Variants in CLEC19A observed in about 807,000 individuals in gnomAD.
CLEC19A encodes C-type lectin domain family 19 member A.
In CLEC19A, 21 loss-of-function variants were observed where a neutral mutation model predicts 26.1. That is an observed-to-expected ratio of 0.80 (90% CI 0.57 to 1.16). CLEC19A has a LOEUF of 1.16. Among genes scored for constraint, CLEC19A ranks in the 50% most tolerant of loss-of-function variants. The probability of loss-of-function intolerance (pLI) is 0.00; values close to 1 mark genes in which losing one functional copy is unlikely to be tolerated. For synonymous variants in CLEC19A, 89 were observed against 88.6 expected (o/e 1.00, Z -0.03); for missense variants, 224 against 227.6 (o/e 0.98, Z 0.10).
intron 3 of CLEC19A, among the ~76,000 whole-genome samples, chr16:19,305,875 G>A (rs1004284793): frequency 4.0e-5 from 6 of 151,664 alleles, no homozygotes; most frequent in Non-Finnish European, 8.8e-5. Flanking sequence ...ATGGAATCTC[G>A]CTCTGTCGCC....
chr16:19,293,864 G>A (rs1294138277), intron 1 of CLEC19A, among the ~76,000 whole-genome samples: 2 of 152,128 alleles, frequency 1.3e-5, no homozygotes, highest in South Asian at 2.1e-4. Flanking sequence ...TAAATGAGGT[G>A]TCCATCACCT....
At chr16:19,296,652 C>A (rs1031790675) in intron 1 of CLEC19A, among the ~76,000 whole-genome samples, 14 of 152,222 alleles carry the variant, frequency 9.2e-5, no homozygotes, top group African/African-American at 3.4e-4. Flanking sequence ...CACTTACCTA[C>A]AGGATGATCT....
At chr16:19,287,904 C>T (rs933302489) in intron 1 of CLEC19A, among the ~76,000 whole-genome samples, 10 of 152,172 alleles carry the variant, frequency 6.6e-5, no homozygotes. Context: ...TAGAATTGGC[C>T]AGGAGACAGT....
chr16:19,300,292 T>C (rs1396380808), intron 2 of CLEC19A, among the ~76,000 whole-genome samples: 2 of 152,018 alleles, frequency 1.3e-5, no homozygotes, highest in Non-Finnish European at 2.9e-5. Flanking sequence ...CTCATGCCTG[T>C]AATCCCAACC....
rs1567255479 is a variant in CLEC19A, at chr16:19,301,749, TTTTTTTTTTTTTTTTG to T, written c.255-2311_255-2296del. Among the ~76,000 whole-genome samples, 31 of 126,178 alleles carry T rather than the reference TTTTTTTTTTTTTTTTG, an allele frequency of 2.5e-4. 2 individuals are homozygous for T. The highest frequency in any genetic ancestry group is 4.0e-4 in the Non-Finnish European group (24 of 60,384). 82.8% of individuals were successfully genotyped at this position (126,178 alleles called of 152,430 possible). A position where few individuals can be genotyped will look rare whatever the true frequency, so the allele number is the denominator to read the frequency against. ...CAGGTTTTTTTGGTTTTTTTTTTTT[TTTTTTTTTTTTTTTTG>T]TATTTTTAGCAGAGACGGAGTTTCA... On this transcript the variant is annotated intron_variant, in intron 2 of 4. Transcript: ENST00000636231.
intron 2 of CLEC19A, among the ~76,000 whole-genome samples, chr16:19,300,148 C>T (rs1243071593): frequency 6.6e-6 from 1 of 151,864 alleles, no homozygotes; most frequent in African/African-American, 2.4e-5. Flanking sequence ...CGCTTGAACC[C>T]AGGGGGCAGA....
intron 3 of CLEC19A, among the ~76,000 whole-genome samples, chr16:19,304,591 C>T (rs1897911113): frequency 6.6e-6 from 1 of 151,898 alleles, no homozygotes; most frequent in Non-Finnish European, 1.5e-5. Context: ...ATCCTAGCTA[C>T]TCAGGAGGCT....
chr16:19,286,402 T>G (rs941605987), intron 1 of CLEC19A, among the ~76,000 whole-genome samples: 35 of 152,214 alleles, frequency 2.3e-4, no homozygotes, highest in Non-Finnish European at 5.0e-4. Context: ...GCTGCTGCAG[T>G]GCCACCAGAG....
chr16:19,291,927 A>G (rs1189107598), intron 1 of CLEC19A, among the ~76,000 whole-genome samples: 1 of 152,214 alleles, frequency 6.6e-6, no homozygotes. Flanking sequence ...CAAATTACTC[A>G]GTGGAGAAAA....
intron 3 of CLEC19A, among the ~76,000 whole-genome samples, chr16:19,307,068 G>A (rs1897972384): frequency 6.6e-6 from 1 of 152,078 alleles, no homozygotes; most frequent in South Asian, 2.1e-4. Flanking sequence ...TCCACCTTAG[G>A]CAAGAAAAAC....
intron 1 of CLEC19A, among the ~76,000 whole-genome samples, chr16:19,296,323 A>G (rs943178612): frequency 3.3e-5 from 5 of 152,262 alleles, no homozygotes; most frequent in Non-Finnish European, 7.3e-5. Context: ...TTCTTTCCCC[A>G]GAGAAATGCA....
chr16:19,292,517 G>A (rs1261839294), intron 1 of CLEC19A, among the ~76,000 whole-genome samples: 2 of 152,222 alleles, frequency 1.3e-5, no homozygotes, highest in Non-Finnish European at 2.9e-5. Flanking sequence ...CCCTCAAGAA[G>A]TGGTGTTTGA....
chr16:19,301,736 GTTTTTTTT>G (rs1171248968), intron 2 of CLEC19A, among the ~76,000 whole-genome samples: 6 of 81,498 alleles, frequency 7.4e-5, no homozygotes, highest in Admixed American at 3.0e-4. Context: ...GGTTTTTTTG[GTTTTTTTT>G]TTTTTTTTTT....
intron 2 of CLEC19A, 35 bp from the exon 3 acceptor site, chr16:19,304,027 T>C (rs938888979): frequency 9.3e-5 from 140 of 1,503,070 alleles, no homozygotes; most frequent in Middle Eastern, 1.7e-4. Flanking sequence ...AAAGAGGCCA[T>C]GAGGAATCAG....
chr16:19,302,850 G>T (rs929320708), intron 2 of CLEC19A, among the ~76,000 whole-genome samples: 7 of 152,164 alleles, frequency 4.6e-5, no homozygotes, highest in African/African-American at 1.7e-4. Flanking sequence ...TCCAGACATG[G>T]CTACAACCTA....
At chr16:19,291,380 A>G (rs1211364671) in intron 1 of CLEC19A, among the ~76,000 whole-genome samples, 1 of 152,254 alleles carries the variant, frequency 6.6e-6, no homozygotes, top group African/African-American at 2.4e-5. Flanking sequence ...TTGGAGCTAG[A>G]CAGGCTGGCT....
At chr16:19,289,225 C>G (rs1327929515) in intron 1 of CLEC19A, among the ~76,000 whole-genome samples, 6 of 152,122 alleles carry the variant, frequency 3.9e-5, no homozygotes, top group Admixed American at 3.9e-4. Flanking sequence ...TATCCAGTTC[C>G]CCCTCCTCCT....
intron 1 of CLEC19A, among the ~76,000 whole-genome samples, chr16:19,296,511 T>C (rs1157467883): frequency 6.6e-6 from 1 of 152,148 alleles, no homozygotes; most frequent in Non-Finnish European, 1.5e-5. Flanking sequence ...ACCCAGTAAC[T>C]CCATGAAGCA....
intron 1 of CLEC19A, among the ~76,000 whole-genome samples, chr16:19,293,467 T>A (rs939926127): frequency 6.6e-6 from 1 of 152,102 alleles, no homozygotes; most frequent in African/African-American, 2.4e-5. Context: ...TTTTAATTTT[T>A]TTTTTTTGTT....
Sources: allele counts gnomAD v4.1 joint callset (sites outside exome capture counted in the v4.1 genomes callset), GRCh38; gene constraint gnomAD v4.1.1; transcripts MANE v1.5; gene names NCBI Gene and HGNC (gene_info 2026-07-23, HGNC 2026-07-21).